The following IMPDH2 variants were observed in gnomAD, a reference collection of about 807,000 sequenced individuals.
IMPDH2 encodes inosine monophosphate dehydrogenase 2, also known as inosine-5'-monophosphate dehydrogenase 2.
In IMPDH2, 33 loss-of-function variants were observed where a neutral mutation model predicts 57.8. That is an observed-to-expected ratio of 0.57 (90% CI 0.43 to 0.76). The LOEUF (loss-of-function observed/expected upper bound fraction) is 0.76. Among genes scored for constraint, IMPDH2 ranks in the 30% least tolerant of loss-of-function variants. IMPDH2 has a pLI of 0.00. For missense variants in IMPDH2, 446 were observed against 659.1 expected, an observed-to-expected ratio of 0.68 and a Z score of 3.54; for synonymous variants, 270 against 241.3, an observed-to-expected ratio of 1.12 and a Z score of -1.10.
intron 9 of IMPDH2, among the ~76,000 whole-genome samples, chr3:49,025,583 C>CAGTT (rs976639558): frequency 6.6e-6 from 1 of 152,204 alleles, no homozygotes; most frequent in African/African-American, 2.4e-5. Context: ...AGTCACCGTG[C>CAGTT]AGTTAGTCCC....
In IMPDH2 at chr3:49,025,147, AG is replaced by A. The variant is rs1208158386; in HGVS notation, c.1128del (p.Leu377TrpfsTer9). 2 of 1,614,092 alleles carry A rather than the reference AG, an allele frequency of 1.2e-6. No individual in the cohort carries two copies. Among genetic ancestry groups the A allele is most frequent in the Non-Finnish European group, 1.7e-6 (2 of 1,180,018 alleles). ...GIQNVGHIAK[A>X]LALGASTVMM... Reference sequence around the variant, plus strand: ...TCACCTGTGGAGGCCCCAAGGGCCAAGGCTTTCGCAATATGACCCACATTTT... The same window carrying A: ...TCACCTGTGGAGGCCCCAAGGGCCAAGCTTTCGCAATATGACCCACATTTT... On this transcript the variant is annotated frameshift_variant, in exon 10 of 14. Coordinates refer to ENST00000326739, the MANE Select transcript of IMPDH2 (RefSeq NM_000884.3). LOFTEE classifies it high-confidence loss of function.
At position 49,028,475 on chromosome 3, in the gene IMPDH2, G is replaced by C; in HGVS notation, c.205C>G (p.Pro69Ala). 1 of 1,614,160 alleles carries C rather than the reference G, an allele frequency of 6.2e-7. No individual in the cohort carries two copies. Among genetic ancestry groups the C allele is most frequent in the Non-Finnish European group, 8.5e-7 (1 of 1,180,014 alleles). The change falls in exon 3 of 14, where the codon CCC (proline) becomes GCC (alanine). Residue 69 changes from proline (P) to alanine (A), a missense_variant. Coordinates refer to ENST00000326739, the MANE Select transcript of IMPDH2 (RefSeq NM_000884.3). Reference sequence around the variant, plus strand: ...CCAGCCTCTGTGACTGTGTCCATGGGAGAGGAAACCAGTGGGGTCTTAAGA... The same window carrying C: ...CCAGCCTCTGTGACTGTGTCCATGGCAGAGGAAACCAGTGGGGTCTTAAGA... ...ITLKTPLVSS[P>A]MDTVTEAGMA...
At chr3:49,024,829 A>G in intron 11 of IMPDH2, 27 bp from the exon 12 acceptor site, 1 of 1,614,132 alleles carries the variant, frequency 6.2e-7, no homozygotes, top group Non-Finnish European at 8.5e-7. Context: ...AGACACGGGC[A>G]AGGTCACAGC....
At position 49,026,877 on chromosome 3, in the gene IMPDH2, G is replaced by A. The variant is rs762451630; in HGVS notation, c.629C>T (p.Pro210Leu). ...ILQRSKKGKL[P>L]IVNEDDELVA... is the part of the protein sequence containing the mutation. Reference sequence around the variant, plus strand: ...AAGCTCATCATCTTCATTTACAATGGGCAACTTTCCTGTGGTCAGGGCAGG... The same window carrying A: ...AAGCTCATCATCTTCATTTACAATGAGCAACTTTCCTGTGGTCAGGGCAGG... The change falls in exon 7 of 14, where the codon CCC becomes CTC. Residue 210 changes from proline to leucine, a missense_variant. Pro to Leu is a moderately conservative substitution (Grantham distance 98, BLOSUM62 -3). Coordinates refer to ENST00000326739, the MANE Select transcript of IMPDH2 (RefSeq NM_000884.3). 3 of 1,614,174 alleles carry A rather than the reference G, an allele frequency of 1.9e-6. No individual in the cohort carries two copies. The highest frequency in any genetic ancestry group is 1.7e-5 in the Admixed American group (1 of 60,026).
intron 5 of IMPDH2, among the ~76,000 whole-genome samples, chr3:49,027,379 G>C (rs2093204116): frequency 1.3e-5 from 2 of 152,288 alleles, no homozygotes; most frequent in African/African-American, 2.4e-5. Context: ...GGGATGAGTA[G>C]AAAGGACAAC....
intron 9 of IMPDH2, chr3:49,025,970 G>C (rs1044440293): frequency 2.1e-6 from 1 of 469,256 alleles, no homozygotes; most frequent in Admixed American, 2.3e-5. Flanking sequence ...AGCTGGGCCG[G>C]GCCAGTGGGC....
At chr3:49,029,037 G>A (rs998267634) in intron 1 of IMPDH2, 11 of 643,428 alleles carry the variant, frequency 1.7e-5, no homozygotes, top group Non-Finnish European at 2.8e-5. Context: ...CTGGAGCATG[G>A]AATCTCCGGC....
intron 9 of IMPDH2, among the ~76,000 whole-genome samples, chr3:49,025,758 C>T (rs1017764816): frequency 6.6e-6 from 1 of 152,204 alleles, no homozygotes; most frequent in Admixed American, 6.5e-5. Context: ...CTGAACTATG[C>T]CTACTGCAGA....
Position 49,024,659 on chromosome 3 carries a change from C to T in IMPDH2, c.1439G>A (p.Arg480Gln), listed in dbSNP as rs1310249336. Residue 480 changes from arginine to glutamine, a missense_variant and splice_region_variant, in exon 12 of 14, where the codon CGA (arginine) becomes CAA (glutamine). By Grantham distance (43) the Arg-to-Gln change is conservative. Coordinates refer to ENST00000326739, the MANE Select transcript of IMPDH2 (RefSeq NM_000884.3). Reference sequence around the variant, plus strand: ...CCATGTCCCAGCTCCCCAAGCTCACCGGACTTGGGTCAAGCTCTTGGCACC... The same window carrying T: ...CCATGTCCCAGCTCCCCAAGCTCACTGGACTTGGGTCAAGCTCTTGGCACC... ...DIGAKSLTQV[R>Q]AMMYSGELKF... 6 of 1,614,074 alleles carry T rather than the reference C, an allele frequency of 3.7e-6. No homozygotes were observed. Among genetic ancestry groups the T allele is most frequent in the Non-Finnish European group, 4.2e-6 (5 of 1,180,024 alleles).
chr3:49,026,365 C>T lies in IMPDH2; in HGVS notation c.965G>A (p.Arg322Gln), dbSNP rs754546292. ...GATGGAGCCACTTCCCATGCCCACC[C>T]GCAGGGCATCCACACCTGCATCAAT... is the stretch of plus-strand genomic sequence containing the variant. Reference protein sequence around the residue: ...NLIDAGVDALRVGMGSGSICI... With the variant: ...NLIDAGVDALQVGMGSGSICI... Residue 322 changes from arginine (R) to glutamine (Q), a missense_variant, in exon 9 of 14, where the codon CGG becomes CAG. Coordinates refer to ENST00000326739, the MANE Select transcript of IMPDH2 (RefSeq NM_000884.3). 8 of 1,613,582 alleles carry T rather than the reference C, an allele frequency of 5.0e-6. No individual in the cohort carries two copies. Among genetic ancestry groups the T allele is most frequent in the East Asian group, 2.2e-5 (1 of 44,878 alleles).
intron 4 of IMPDH2, 103 bp from the exon 5 acceptor site, chr3:49,028,019 C>A: frequency 1.1e-6 from 1 of 950,814 alleles, no homozygotes. Context: ...TTTGGCAGTG[C>A]CACAAGACCA....
At chr3:49,024,637 T>C (rs914632663) in intron 12 of IMPDH2, 22 bp downstream of exon 12, 4 of 1,614,100 alleles carry the variant, frequency 2.5e-6, no homozygotes, top group Admixed American at 1.7e-5. Context: ...CCTCTACCCA[T>C]GTCCCAGCTC....
intron 1 of IMPDH2, 105 bp downstream of exon 1, chr3:49,029,148 T>C (rs1482185888): frequency 1.1e-6 from 1 of 933,730 alleles, no homozygotes; most frequent in Non-Finnish European, 1.7e-6. Flanking sequence ...TCCCGAAACC[T>C]GTCCCCCACG....
At chr3:49,027,631 A>C in intron 5 of IMPDH2, 79 bp downstream of exon 5, 1 of 1,178,916 alleles carries the variant, frequency 8.5e-7, no homozygotes, top group Admixed American at 1.7e-5. Context: ...AGGCTATCAG[A>C]GATGTCTTAG....
chr3:49,028,413 A>C lies in IMPDH2; in HGVS notation c.249+18T>G. On this transcript the variant is annotated intron_variant, in intron 3 of 13. Transcript: ENST00000326739. ...CGATGGAGTCCTTGCTCCTTCCCCC[A>C]CACCCCATGGGGCTCACCGCCATTG... 6.2e-7 allele frequency: 1 copy of C among 1,611,176 alleles called. No individual in the cohort carries two copies. The highest frequency in any genetic ancestry group is 8.5e-7 in the Non-Finnish European group (1 of 1,177,356).
Position 49,028,765 on chromosome 3 carries a change from T to C in IMPDH2, c.140A>G (p.Asp47Gly). The C allele has an allele frequency of 1.2e-6, 2 of 1,613,414 alleles. No individual in the cohort carries two copies. Among genetic ancestry groups the C allele is most frequent in the Non-Finnish European group, 1.7e-6 (2 of 1,179,388 alleles). Residue 47 changes from aspartate (D) to glycine (G), a missense_variant, in exon 2 of 14, where the codon GAC becomes GGC. Transcript: ENST00000326739. ...ILPGYIDFTA[D>G]QVDLTSALTK... Reference sequence around the variant, plus strand: ...ATTCCTGATCATACTCACCACCTGGTCTGCAGTGAAGTCGATGTACCCAGG... The same window carrying C: ...ATTCCTGATCATACTCACCACCTGGCCTGCAGTGAAGTCGATGTACCCAGG...
At chr3:49,029,164 G>A (rs1422104274) in intron 1 of IMPDH2, 89 bp downstream of exon 1, 10 of 1,084,216 alleles carry the variant, frequency 9.2e-6, no homozygotes, top group Non-Finnish European at 1.2e-5. Context: ...CCACGCCCAC[G>A]CCCAAGGCGG....
Position 49,024,752 on chromosome 3 carries a change from TC to T in IMPDH2, c.1345del (p.Asp449ThrfsTer12), listed in dbSNP as rs746338560. On this transcript the variant is annotated frameshift_variant, in exon 12 of 14. Coordinates refer to ENST00000326739, the MANE Select transcript of IMPDH2 (RefSeq NM_000884.3). LOFTEE classifies it high-confidence loss of function. Reference protein sequence around the residue: ...VAQGVSGAVQDKGSIHKFVPY... With the variant: ...VAQGVSGAVQXKGSIHKFVPY... The stretch of plus-strand genomic sequence containing the variant: ...GACAAATTTGTGGATTGACCCTTTG[TC>T]CTGCACAGCACCAGACACTCCCTGG... The T allele has an allele frequency of 6.2e-7, 1 of 1,614,210 alleles. No homozygotes were observed. Among genetic ancestry groups the T allele is most frequent in the Non-Finnish European group, 8.5e-7 (1 of 1,180,038 alleles).
intron 9 of IMPDH2, among the ~76,000 whole-genome samples, chr3:49,025,684 TGTGGTTGTGTGGAGCAGGCA>T (rs1235942393): frequency 6.6e-5 from 10 of 152,240 alleles, no homozygotes; most frequent in South Asian, 6.2e-4. Flanking sequence ...GAGAGCAGGC[TGTGGTTGTGTGGAGCAGGCA>T]GTGGTTGTGT....
Sources: gnomAD v4.1 joint callset for allele counts (sites outside exome capture counted in the v4.1 genomes callset) on GRCh38, gnomAD v4.1.1 for gene constraint, MANE v1.5 for transcripts, NCBI Gene and HGNC (gene_info 2026-07-23, HGNC 2026-07-21) for gene names.